Variants in PCDH7 observed in about 807,000 individuals in gnomAD.
PCDH7 encodes the protein protocadherin-7.
Under a neutral mutation model 58.9 loss-of-function variants are expected in PCDH7, and 17 were observed. The observed-to-expected ratio is 0.29, with a 90% CI of 0.20 to 0.43. PCDH7 has a LOEUF of 0.43. Ranked by LOEUF, PCDH7 falls within the 20% of genes least tolerant of loss-of-function variation. The pLI is 1.00. For synonymous variants in PCDH7, 664 were observed against 616.4 expected, an observed-to-expected ratio of 1.08 and a Z score of -1.14; for missense variants, 1,274 against 1,441.0, an observed-to-expected ratio of 0.88 and a Z score of 1.88.
At chr4:30,790,949 CA>C (rs763282691) in intron 1 of PCDH7, among the ~76,000 whole-genome samples, 1 of 150,756 alleles carries the variant, frequency 6.6e-6, no homozygotes, top group Non-Finnish European at 1.5e-5. Context: ...AACAAACAAA[CA>C]AAAAACAATA....
chr4:30,809,974 C>T (rs1361023290), intron 1 of PCDH7, among the ~76,000 whole-genome samples: 1 of 152,154 alleles, frequency 6.6e-6, no homozygotes, highest in Non-Finnish European at 1.5e-5. Flanking sequence ...TCTTGTTCTT[C>T]AATGTGCAGC....
Position 30,721,113 on chromosome 4 carries a change from C to A in PCDH7, c.-310C>A. 2.6e-6 allele frequency: 1 copy of A among 380,264 alleles called. No homozygotes were observed. The highest frequency in any genetic ancestry group is 4.7e-6 in the Non-Finnish European group (1 of 211,746). 23.6% of individuals were successfully genotyped at this position (380,264 alleles called of 1,614,324 possible). A position where few individuals can be genotyped will look rare whatever the true frequency, so the allele number is the denominator to read the frequency against. ...GCGCCGAACCCGCGGCGCGCAGTGT[C>A]CCGTGAACTGTGAGTACTGCGACTG... On this transcript the variant is annotated 5_prime_UTR_variant, in exon 1 of 2. Coordinates refer to ENST00000361762, the Ensembl canonical transcript of PCDH7. The surrounding 1 kb of genome is among the most constrained non-coding windows in gnomAD (Gnocchi z 6.7).
chr4:30,724,053 A>T, exon 1 of PCDH7: 9 of 1,614,016 alleles, frequency 5.6e-6, no homozygotes, highest in Non-Finnish European at 7.6e-6. Context: ...GCAAACAGAG[A>T]CTCAGTATTG....
At chr4:31,107,104 G>A (rs1715666332) in intron 3 of PCDH7, among the ~76,000 whole-genome samples, 1 of 151,796 alleles carries the variant, frequency 6.6e-6, no homozygotes, top group Non-Finnish European at 1.5e-5. Flanking sequence ...TTTAATAATA[G>A]TTCTTGTTCA....
At chr4:31,066,615 C>A (rs1197970174) in intron 3 of PCDH7, among the ~76,000 whole-genome samples, 1 of 151,818 alleles carries the variant, frequency 6.6e-6, no homozygotes, top group Admixed American at 6.6e-5. Context: ...TTCACCTCCC[C>A]CTTTGGAATT....
intron 3 of PCDH7, among the ~76,000 whole-genome samples, chr4:31,054,313 A>G (rs2109225767): frequency 6.6e-6 from 1 of 152,308 alleles, no homozygotes; most frequent in South Asian, 2.1e-4. Context: ...CTTGGGAACA[A>G]CATGTGAAAT....
intron 3 of PCDH7, among the ~76,000 whole-genome samples, chr4:31,084,978 C>T (rs1028444516): frequency 6.6e-6 from 1 of 152,164 alleles, no homozygotes; most frequent in Non-Finnish European, 1.5e-5. Flanking sequence ...TCACCTTGCC[C>T]GCTGCCTAGA....
chr4:30,951,991 G>T (rs1009308073), intron 3 of PCDH7, among the ~76,000 whole-genome samples: 2 of 152,088 alleles, frequency 1.3e-5, no homozygotes, highest in Non-Finnish European at 2.9e-5. Context: ...ACAGCCTTTT[G>T]TCTTCTTCTC....
chr4:30,982,262 GAA>G (rs1750635545), intron 3 of PCDH7, among the ~76,000 whole-genome samples: 1 of 152,076 alleles, frequency 6.6e-6, no homozygotes, highest in Admixed American at 6.5e-5. Flanking sequence ...AGTGTGAAGG[GAA>G]AAAGAGAAAT....
chr4:31,131,405 TG>T (rs1718971830), intron 3 of PCDH7, among the ~76,000 whole-genome samples: 1 of 152,166 alleles, frequency 6.6e-6, no homozygotes. Flanking sequence ...TTACCTGCTC[TG>T]CACTCCTGAG....
chr4:31,037,197 C>A (rs1755480916), intron 3 of PCDH7, among the ~76,000 whole-genome samples: 1 of 152,162 alleles, frequency 6.6e-6, no homozygotes, highest in Admixed American at 6.5e-5. Flanking sequence ...ATTTCTCTAA[C>A]CCCATCTCTG....
rs190513322 is a variant in PCDH7, at chr4:30,802,182, A to G, written c.70+77586A>G. Among the ~76,000 whole-genome samples, 41 of 152,332 alleles carry G rather than the reference A, an allele frequency of 2.7e-4. No homozygotes were observed. The East Asian group carries it at 7.5e-3, about 28-fold the overall frequency. On this transcript the variant is annotated intron_variant, in intron 1 of 3. Coordinates refer to the PCDH7 transcript ENST00000509759. Reference sequence around the variant, plus strand: ...TCAAATTCACGCAGGTTAGTAAGTGAATGAATTCATATCAAAGCCAAACTC... The same window carrying G: ...TCAAATTCACGCAGGTTAGTAAGTGGATGAATTCATATCAAAGCCAAACTC...
intron 1 of PCDH7, among the ~76,000 whole-genome samples, chr4:30,917,410 CCATACTATAG>C (rs1171543493): frequency 1.3e-5 from 2 of 151,886 alleles, no homozygotes; most frequent in African/African-American, 4.8e-5. Context: ...AATGCTGATA[CCATACTATAG>C]CATTCTAATT....
chr4:31,090,214 G>A (rs1713048886), intron 3 of PCDH7, among the ~76,000 whole-genome samples: 2 of 151,778 alleles, frequency 1.3e-5, no homozygotes, highest in Non-Finnish European at 2.9e-5. Flanking sequence ...AGCATTAAAT[G>A]TATACATGGT....
intron 1 of PCDH7, among the ~76,000 whole-genome samples, chr4:30,885,892 G>A (rs1198224603): frequency 6.6e-6 from 1 of 152,134 alleles, no homozygotes; most frequent in Non-Finnish European, 1.5e-5. Flanking sequence ...TATTTAATAA[G>A]TGGTGCTGGG....
intron 3 of PCDH7, among the ~76,000 whole-genome samples, chr4:31,069,930 T>C (rs1472349877): frequency 6.6e-6 from 1 of 152,060 alleles, no homozygotes; most frequent in African/African-American, 2.4e-5. Flanking sequence ...TCCTGAAGTT[T>C]GACCCTTTTA....
chr4:31,001,393 A>G (rs1289174113), intron 3 of PCDH7, among the ~76,000 whole-genome samples: 5 of 152,178 alleles, frequency 3.3e-5, no homozygotes, highest in Non-Finnish European at 1.5e-5. Flanking sequence ...ATATACATAA[A>G]TAAGATTAAC....
rs112794244 is a variant in PCDH7, at chr4:30,764,559, A to G, written c.70+39963A>G. Reference sequence around the variant, plus strand: ...ATAAATGTTACTGTTAAATCTTTATATGACATTGAAAGAAACGAAGTTTGT... The same window carrying G: ...ATAAATGTTACTGTTAAATCTTTATGTGACATTGAAAGAAACGAAGTTTGT... On this transcript the variant is annotated intron_variant, in intron 1 of 3. Transcript: ENST00000509759. 5.0e-3 allele frequency among the ~76,000 whole-genome samples: 759 copies of G among 152,314 alleles called. 6 individuals carry two copies. The highest frequency in any genetic ancestry group is 0.017 in the African/African-American group (711 of 41,570).
chr4:31,054,091 C>T (rs1453163646), intron 3 of PCDH7, among the ~76,000 whole-genome samples: 1 of 151,942 alleles, frequency 6.6e-6, no homozygotes, highest in African/African-American at 2.4e-5. Context: ...TCAGCCTCTC[C>T]AGTAGCTGGG....
Sources: allele counts gnomAD v4.1 joint callset (sites outside exome capture counted in the v4.1 genomes callset), GRCh38; gene constraint gnomAD v4.1.1; non-coding constraint Gnocchi (gnomAD v3.1); transcripts MANE v1.5; gene names NCBI Gene and HGNC (gene_info 2026-07-23, HGNC 2026-07-21).